The following GDI2 variants were observed in gnomAD, a reference collection of about 807,000 sequenced individuals.
GDI2 encodes the protein GDP dissociation inhibitor 2.
Under a neutral mutation model 54.2 loss-of-function variants are expected in GDI2, and 22 were observed. The ratio of observed to expected loss-of-function variants is 0.41; its 90% CI spans 0.29 to 0.58. The LOEUF is 0.58. Among genes scored for constraint, GDI2 ranks in the 20% least tolerant of loss-of-function variants. The pLI, the probability that GDI2 is intolerant of heterozygous loss-of-function variation, is 0.35. For synonymous variants in GDI2, 177 were observed against 182.1 expected, an observed-to-expected ratio of 0.97 and a Z score of 0.23; for missense variants, 422 against 546.0, an observed-to-expected ratio of 0.77 and a Z score of 2.26.
chr10:5,811,307 T>C (rs1841476246), intron 1 of GDI2, among the ~76,000 whole-genome samples: 1 of 152,150 alleles, frequency 6.6e-6, no homozygotes, highest in Non-Finnish European at 1.5e-5. Flanking sequence ...CAGAAACAGG[T>C]CTGATTTCTA....
At chr10:5,795,997 T>C (rs959250354) in intron 3 of GDI2, among the ~76,000 whole-genome samples, 1 of 152,148 alleles carries the variant, frequency 6.6e-6, no homozygotes, top group South Asian at 2.1e-4. Context: ...CTTTATTTCA[T>C]GTGCACAAAC....
At chr10:5,795,705 G>A (rs1841131622) in intron 3 of GDI2, among the ~76,000 whole-genome samples, 1 of 152,060 alleles carries the variant, frequency 6.6e-6, no homozygotes, top group Non-Finnish European at 1.5e-5. Context: ...CAAGGAGGGA[G>A]GATTGTTTGA....
At chr10:5,794,209 A>G (rs1841093493) in intron 4 of GDI2, among the ~76,000 whole-genome samples, 2 of 113,774 alleles carry the variant, frequency 1.8e-5, no homozygotes, top group Admixed American at 9.3e-5. Context: ...ATATATATAT[A>G]TATATATATA....
rs777840947 is a variant in GDI2 at position 5,766,496 on chromosome 10, C to T, written c.1134G>A (p.Gln378=). The T allele has an allele frequency of 6.2e-7, 1 of 1,613,238 alleles. No individual in the cohort carries two copies. Among genetic ancestry groups the T allele is most frequent in the South Asian group, 1.1e-5 (1 of 91,046 alleles). The change falls in exon 9 of 11, where the codon CAG becomes CAA. Residue 378 remains glutamine, a splice_region_variant and synonymous_variant. Transcript: ENST00000380191. The surrounding 1 kb of genome is among the most constrained non-coding windows in gnomAD (Gnocchi z 5.8). ...PALELLEPIE[Q]KFVSISDLLV... is the part of the protein sequence containing the mutation. ...AGATATAAAAGAACACAACTCACTT[C>T]TGTTCAATTGGTTCCAAGAGCTCCA...
rs1327612022 is a variant in GDI2 at position 5,773,812 on chromosome 10, G to C, written c.819+30C>G. On this transcript the variant is annotated intron_variant, in intron 7 of 10. Transcript: ENST00000380191. The stretch of plus-strand genomic sequence containing the variant: ...ACACAACTTTCTTCACAAGAACATA[G>C]TAATTTTTTTCATTTTAAAAGCTAC... The C allele has an allele frequency of 4.4e-6, 4 of 917,838 alleles. No individual in the cohort carries two copies. In the African/African-American group the frequency reaches 4.9e-5, roughly 11 times the overall value. The allele number at this position is 917,838 out of a possible 1,614,324, so 56.9% of individuals were successfully genotyped here. A position where few individuals can be genotyped will look rare whatever the true frequency, so the allele number is the denominator to read the frequency against.
chr10:5,790,366 A>C (rs1035984152), intron 4 of GDI2, among the ~76,000 whole-genome samples: 3 of 152,182 alleles, frequency 2.0e-5, no homozygotes, highest in African/African-American at 7.2e-5. Context: ...TCACAAGGCC[A>C]GGTGCGGTGG....
At chr10:5,799,942 GTAT>G (rs1841230955) in intron 2 of GDI2, among the ~76,000 whole-genome samples, 1 of 151,924 alleles carries the variant, frequency 6.6e-6, no homozygotes, top group Admixed American at 6.6e-5. Context: ...TTTATACATC[GTAT>G]TATTCTTTAA....
intron 1 of GDI2, among the ~76,000 whole-genome samples, chr10:5,804,077 G>A (rs918261327): frequency 6.9e-6 from 1 of 145,584 alleles, no homozygotes; most frequent in Non-Finnish European, 1.5e-5. Flanking sequence ...TTTCACTATA[G>A]GAGTGTGAAT....
At chr10:5,789,295 T>C (rs933472849) in intron 4 of GDI2, among the ~76,000 whole-genome samples, 1 of 151,994 alleles carries the variant, frequency 6.6e-6, no homozygotes, top group African/African-American at 2.4e-5. Context: ...TACAGGGGTC[T>C]TACTATGTTG....
intron 1 of GDI2, among the ~76,000 whole-genome samples, chr10:5,807,233 G>A (rs1342189227): frequency 6.6e-6 from 1 of 152,190 alleles, no homozygotes; most frequent in South Asian, 2.1e-4. Context: ...TCTGGGCACA[G>A]TATATATTAA....
At chr10:5,767,313 G>A (rs929691668) in intron 8 of GDI2, among the ~76,000 whole-genome samples, 1 of 137,150 alleles carries the variant, frequency 7.3e-6, no homozygotes, top group Non-Finnish European at 1.7e-5. Context: ...CATCTTTTGT[G>A]ATTGGTTTTT....
intron 6 of GDI2, 47 bp from the exon 7 acceptor site, chr10:5,773,988 C>T: frequency 1.3e-6 from 1 of 771,388 alleles, no homozygotes; most frequent in Non-Finnish European, 2.2e-6. Context: ...GTTGTTTCAA[C>T]TCCTAAAGTC....
chr10:5,800,284 A>T (rs1841239701), intron 2 of GDI2, among the ~76,000 whole-genome samples: 1 of 152,186 alleles, frequency 6.6e-6, no homozygotes, highest in Non-Finnish European at 1.5e-5. Context: ...ATTAAAAAAA[A>T]AATCTTTGAG....
chr10:5,767,661 C>G (rs1231639075), intron 8 of GDI2, among the ~76,000 whole-genome samples: 2 of 152,186 alleles, frequency 1.3e-5, no homozygotes, highest in African/African-American at 4.8e-5. Context: ...GCCTGATTAC[C>G]CTTTTTAAGC....
intron 2 of GDI2, 132 bp from the exon 3 acceptor site, chr10:5,796,994 A>C (rs1277021602): frequency 5.9e-6 from 3 of 507,330 alleles, no homozygotes; most frequent in South Asian, 3.6e-5. Context: ...AGGGCATTTC[A>C]TCTTTTATCA....
intron 4 of GDI2, among the ~76,000 whole-genome samples, chr10:5,790,382 A>T (rs1840985201): frequency 6.6e-6 from 1 of 152,068 alleles, no homozygotes; most frequent in African/African-American, 2.4e-5. Flanking sequence ...GGTGGCTCAC[A>T]CCTGTAATCC....
At chr10:5,797,577 G>T (rs1841176751) in intron 2 of GDI2, among the ~76,000 whole-genome samples, 2 of 148,846 alleles carry the variant, frequency 1.3e-5, no homozygotes, top group South Asian at 2.2e-4. Context: ...AATTAGCGGG[G>T]TGTGGTGTGT....
chr10:5,808,162 C>T (rs972786237), intron 1 of GDI2, among the ~76,000 whole-genome samples: 2 of 151,930 alleles, frequency 1.3e-5, no homozygotes, highest in African/African-American at 2.4e-5. Context: ...CATGGCAAAA[C>T]CCCATTTCTA....
rs751868621 is a variant in GDI2 at position 5,766,209 on chromosome 10, C to T, written c.1191+32G>A. 1.1e-5 allele frequency: 17 copies of T among 1,610,846 alleles called. No individual in the cohort carries two copies. The South Asian group carries it at 1.8e-4, about 17-fold the overall frequency. The stretch of plus-strand genomic sequence containing the variant: ...ATGGAGGGATGTCTTCCAGTGAAAC[C>T]TGCCCATATCCTTTCACACTTCCAT... On this transcript the variant is annotated intron_variant, in intron 10 of 10. Coordinates refer to ENST00000380191, the MANE Select transcript of GDI2 (RefSeq NM_001494.4). The surrounding 1 kb of genome is among the most constrained non-coding windows in gnomAD (Gnocchi z 5.8).
Sources: allele counts gnomAD v4.1 joint callset (sites outside exome capture counted in the v4.1 genomes callset), GRCh38; gene constraint gnomAD v4.1.1; non-coding constraint Gnocchi (gnomAD v3.1); transcripts MANE v1.5; gene names NCBI Gene and HGNC (gene_info 2026-07-23, HGNC 2026-07-21).